RIMS2: variants seen among roughly 807,000 people sequenced by gnomAD.
The protein encoded by RIMS2 is regulating synaptic membrane exocytosis protein 2.
In RIMS2, 59 loss-of-function variants were observed where a neutral mutation model predicts 174.4. The observed-to-expected ratio is 0.34, with a 90% CI of 0.27 to 0.42. RIMS2 has a LOEUF of 0.42. RIMS2 is among the 10% of genes least tolerant of loss of function. RIMS2 has a pLI of 1.00. For synonymous variants in RIMS2, 606 were observed against 572.5 expected (o/e 1.06, Z -0.84); for missense variants, 1,620 against 1,666.3 (o/e 0.97, Z 0.48).
intron 2 of RIMS2, among the ~76,000 whole-genome samples, chr8:103,727,712 T>A (rs2097541871): frequency 6.6e-6 from 1 of 152,208 alleles, no homozygotes; most frequent in Non-Finnish European, 1.5e-5. Context: ...TCCCAGTGTA[T>A]GTTCTTGGCA....
At chr8:104,005,079 G>A (rs1158476193) in intron 17 of RIMS2, among the ~76,000 whole-genome samples, 2 of 152,112 alleles carry the variant, frequency 1.3e-5, no homozygotes, top group African/African-American at 4.8e-5. Context: ...ATAAGGTAAG[G>A]GTTATTGCAG....
chr8:104,137,728 G>C (rs1210715022), intron 19 of RIMS2, among the ~76,000 whole-genome samples: 3 of 152,074 alleles, frequency 2.0e-5, no homozygotes, highest in African/African-American at 7.2e-5. Context: ...AGATGTAACT[G>C]CTTCACATAT....
intron 2 of RIMS2, among the ~76,000 whole-genome samples, chr8:103,713,039 G>A (rs1251337612): frequency 1.4e-5 from 2 of 147,092 alleles, no homozygotes; most frequent in Non-Finnish European, 3.0e-5. Flanking sequence ...CTTTCTTTTT[G>A]ATGGATTATC....
In RIMS2 at chr8:104,002,434, TAGATTATCCA is replaced by T. The variant is rs370105569; in HGVS notation, c.3045-11006_3045-10997del. On this transcript the variant is annotated intron_variant, in intron 17 of 23. Coordinates refer to ENST00000504942, the Ensembl canonical transcript of RIMS2. ...TTCTCTTGTAGAATTGTTTTTGGAC[TAGATTATCCA>T]AATTTTTACTTACTTGAGTCAAAAT... Among the ~76,000 whole-genome samples the T allele has an allele frequency of 3.2e-3, 484 of 152,234 alleles. 2 individuals carry two copies. The highest frequency in any genetic ancestry group is 0.011 in the African/African-American group (445 of 41,560).
intron 19 of RIMS2, among the ~76,000 whole-genome samples, chr8:104,160,888 CA>C (rs1158409304): frequency 3.3e-5 from 5 of 152,200 alleles, no homozygotes; most frequent in Admixed American, 2.6e-4. Flanking sequence ...GGTGGAACAT[CA>C]TGAGGATTAG....
intron 4 of RIMS2, among the ~76,000 whole-genome samples, chr8:103,908,234 G>A (rs1165973443): frequency 6.6e-6 from 1 of 151,898 alleles, no homozygotes; most frequent in Non-Finnish European, 1.5e-5. Flanking sequence ...GTAGAGATGG[G>A]ACTTTACCAT....
At chr8:103,581,206 G>A (rs1195073525) in intron 1 of RIMS2, among the ~76,000 whole-genome samples, 1 of 152,052 alleles carries the variant, frequency 6.6e-6, no homozygotes, top group Non-Finnish European at 1.5e-5. Flanking sequence ...TAAGAAGACT[G>A]TAGAGCATAA....
intron 1 of RIMS2, among the ~76,000 whole-genome samples, chr8:103,565,224 C>G (rs2092194964): frequency 6.6e-6 from 1 of 152,122 alleles, no homozygotes; most frequent in African/African-American, 2.4e-5. Context: ...CAGCAACTCT[C>G]TTTAGCTCCA....
chr8:103,696,514 A>G (rs1379730291), intron 1 of RIMS2, among the ~76,000 whole-genome samples: 1 of 152,218 alleles, frequency 6.6e-6, no homozygotes, highest in Admixed American at 6.5e-5. Flanking sequence ...ATTTAGAAAT[A>G]TAATTTCAAT....
intron 3 of RIMS2, among the ~76,000 whole-genome samples, chr8:103,772,260 A>G (rs932635749): frequency 6.6e-6 from 1 of 151,958 alleles, no homozygotes; most frequent in Admixed American, 6.5e-5. Context: ...TTTATATAGA[A>G]CATTAATGGG....
chr8:103,931,008 T>C (rs1028072205), intron 11 of RIMS2, among the ~76,000 whole-genome samples: 4 of 152,118 alleles, frequency 2.6e-5, no homozygotes, highest in Non-Finnish European at 5.9e-5. Flanking sequence ...ATTATTTGCA[T>C]GTTAATAAGC....
intron 15 of RIMS2, among the ~76,000 whole-genome samples, chr8:103,965,074 T>C (rs2091437375): frequency 6.6e-6 from 1 of 152,184 alleles, no homozygotes; most frequent in Non-Finnish European, 1.5e-5. Context: ...TCATAGTAAG[T>C]ATTGAAAAGT....
At chr8:103,720,873 A>G (rs1042079989) in intron 2 of RIMS2, among the ~76,000 whole-genome samples, 2 of 152,246 alleles carry the variant, frequency 1.3e-5, no homozygotes, top group African/African-American at 2.4e-5. Flanking sequence ...GTAATTTTAA[A>G]AACCATTTAC....
chr8:104,189,582 T>TTGTA (rs1554596362), intron 19 of RIMS2, among the ~76,000 whole-genome samples: 1 of 145,220 alleles, frequency 6.9e-6, no homozygotes, highest in African/African-American at 2.5e-5. Context: ...AATATATACA[T>TTGTA]TATATATATA....
intron 1 of RIMS2, among the ~76,000 whole-genome samples, chr8:103,608,002 G>A (rs2095201162): frequency 6.8e-6 from 1 of 147,816 alleles, no homozygotes; most frequent in Non-Finnish European, 1.5e-5. Context: ...CTCTCAGCTC[G>A]TCAAAGTCAT....
exon 4 of RIMS2, chr8:103,886,034 A>G: frequency 6.2e-7 from 1 of 1,613,066 alleles, no homozygotes; most frequent in Non-Finnish European, 8.5e-7. Context: ...AACAATGTTA[A>G]GGAATGATTC....
chr8:104,106,298 T>C (rs1365250015), intron 19 of RIMS2, among the ~76,000 whole-genome samples: 3 of 152,062 alleles, frequency 2.0e-5, no homozygotes, highest in African/African-American at 7.2e-5. Context: ...ATATAGTTAG[T>C]TAGTAACTTC....
chr8:104,109,446 T>G (rs952203501), intron 19 of RIMS2, among the ~76,000 whole-genome samples: 1 of 150,920 alleles, frequency 6.6e-6, no homozygotes. Context: ...AATATAAACT[T>G]GGGAAAATAA....
chr8:103,819,522 A>G (rs1324904423), intron 3 of RIMS2: 1 of 1,613,104 alleles, frequency 6.2e-7, no homozygotes, highest in South Asian at 1.1e-5. Flanking sequence ...AATTTGAGAC[A>G]TTGCGCCAGG....
Sources: allele counts gnomAD v4.1 joint callset (sites outside exome capture counted in the v4.1 genomes callset), GRCh38; gene constraint gnomAD v4.1.1; transcripts MANE v1.5; gene names NCBI Gene and HGNC (gene_info 2026-07-23, HGNC 2026-07-21).